Variants in WDR90 observed in about 807,000 individuals in gnomAD.
The protein encoded by WDR90 is WD repeat domain 90.
WDR90 carries 238 observed loss-of-function variants against 195.2 expected under a neutral mutation model. The ratio of observed to expected loss-of-function variants is 1.22; its 90% CI spans 1.10 to 1.36. WDR90 has a LOEUF of 1.36. Ranked by LOEUF, WDR90 falls within the 40% of genes most tolerant of loss-of-function variation. The pLI, the probability that WDR90 is intolerant of heterozygous loss-of-function variation, is 0.00. For missense variants in WDR90, 2,734 were observed against 2,439.5 expected, an observed-to-expected ratio of 1.12 and a Z score of -2.54; for synonymous variants, 1,265 against 1,052.4, an observed-to-expected ratio of 1.20 and a Z score of -3.91.
At chr16:652,993 G>C (rs2037675876) in intron 10 of WDR90, among the ~76,000 whole-genome samples, 1 of 152,196 alleles carries the variant, frequency 6.6e-6, no homozygotes, top group Admixed American at 6.5e-5. Context: ...AGGCCCTGCT[G>C]GGTGCCTGCT....
chr16:661,765 G>C lies in WDR90; in HGVS notation c.3842G>C (p.Arg1281Pro), dbSNP rs202089109. 2 of 1,606,128 alleles carry C rather than the reference G, an allele frequency of 1.2e-6. No homozygotes were observed. The highest frequency in any genetic ancestry group is 1.3e-5 in the African/African-American group (1 of 74,702). Residue 1281 changes from arginine (R) to proline (P), a missense_variant, in exon 31 of 41, where the codon CGT (arginine) becomes CCT (proline). Arg to Pro is a moderately radical substitution (Grantham distance 103, BLOSUM62 -2). Transcript: ENST00000293879. The part of the protein sequence containing the change: ...GTVTFWLLQQ[R>P]GADISLQVRR... ...GTCACCTTCTGGCTCCTTCAGCAGCGTGGGGCAGACATCAGCCTTCAGGTG... is the reference window on the plus strand; with the variant it reads ...GTCACCTTCTGGCTCCTTCAGCAGCCTGGGGCAGACATCAGCCTTCAGGTG...
At chr16:661,254 A>G (rs1447813176) in intron 29 of WDR90, 82 bp downstream of exon 29, 1 of 1,523,500 alleles carries the variant, frequency 6.6e-7, no homozygotes, top group African/African-American at 1.4e-5. Flanking sequence ...GCGGGTTCTC[A>G]CCACCAAAGA....
Position 650,274 on chromosome 16 carries a change from G to A in WDR90, c.300G>A (p.Val100=), listed in dbSNP as rs1249164984. 3 of 1,612,984 alleles carry A rather than the reference G, an allele frequency of 1.9e-6. No homozygotes were observed. Among genetic ancestry groups the A allele is most frequent in the African/African-American group, 1.3e-5 (1 of 75,064 alleles). Reference sequence around the variant, plus strand: ...CACAGGACAACCAAGTCATCCGTGTGTCTTTCTCCAACCTCTTCAAGGAGT... The same window carrying A: ...CACAGGACAACCAAGTCATCCGTGTATCTTTCTCCAACCTCTTCAAGGAGT... The part of the protein sequence containing the change: ...VSSKDNQVIR[V]SFSNLFKEFK... Residue 100 remains valine (V), a synonymous_variant, in exon 4 of 41, where the codon GTG becomes GTA. Coordinates refer to ENST00000293879, the MANE Select transcript of WDR90 (RefSeq NM_145294.5).
chr16:660,605 C>G lies in WDR90; in HGVS notation c.3289-7C>G, dbSNP rs1183051727. The G allele has an allele frequency of 6.4e-7, 1 of 1,560,020 alleles. No individual in the cohort carries two copies. The highest frequency in any genetic ancestry group is 2.4e-5 in the East Asian group (1 of 41,444). On this transcript the variant is annotated splice_region_variant and splice_polypyrimidine_tract_variant and intron_variant, in intron 27 of 40. Coordinates refer to ENST00000293879, the MANE Select transcript of WDR90 (RefSeq NM_145294.5). The stretch of plus-strand genomic sequence containing the variant: ...CCCCAGCAGCATCCGGGTCTCCTTC[C>G]TCGCAGGGCACTTGCCCGCCTCCCG...
At chr16:653,996 G>A (rs1226426191) in intron 13 of WDR90, 193 bp downstream of exon 13, 4 of 678,078 alleles carry the variant, frequency 5.9e-6, no homozygotes, top group Non-Finnish European at 7.3e-6. Context: ...ACCACCAGCA[G>A]CTCACATTTC....
chr16:652,142 C>G (rs1324129290), intron 9 of WDR90, 103 bp downstream of exon 9: 2 of 1,338,102 alleles, frequency 1.5e-6, no homozygotes, highest in Non-Finnish European at 2.0e-6. Flanking sequence ...CTCCAACGGT[C>G]TCCTCTTGTT....
chr16:657,380 G>A (rs1268146907), intron 20 of WDR90, 159 bp downstream of exon 20: 7 of 1,196,422 alleles, frequency 5.9e-6, no homozygotes, highest in Admixed American at 2.9e-5. Flanking sequence ...AGGCCCTGAG[G>A]AGACTGTGGT....
In WDR90 at chr16:650,244, G is replaced by C. The variant is rs761335702; in HGVS notation, c.280-10G>C. ...CCCTGTCTCCTCACGGCCCTGCTCC[G>C]TCCCCACAGGACAACCAAGTCATCC... On this transcript the variant is annotated splice_polypyrimidine_tract_variant and intron_variant, in intron 3 of 40. Coordinates refer to ENST00000293879, the MANE Select transcript of WDR90 (RefSeq NM_145294.5). The C allele has an allele frequency of 1.4e-5, 22 of 1,612,460 alleles. No homozygotes were observed. The African/African-American group carries it at 2.9e-4, about 22-fold the overall frequency.
At position 667,488 on chromosome 16, in the gene WDR90, C is replaced by G. The variant is rs772338031; in HGVS notation, c.5146C>G (p.His1716Asp). ...AMGTAQDFAG[H>D]DNAVHLCRFT... is the part of the protein sequence containing the mutation. The stretch of plus-strand genomic sequence containing the variant: ...GGGGACTGCCCAAGACTTTGCCGGC[C>G]ACGACAACGCAGTGCACCTGTGCAG... The change falls in exon 41 of 41, where the codon CAC becomes GAC. Residue 1716 changes from histidine (H) to aspartate (D), a missense_variant. Transcript: ENST00000293879. The G allele has an allele frequency of 6.2e-7, 1 of 1,610,858 alleles. No homozygotes were observed. Among genetic ancestry groups the G allele is most frequent in the Non-Finnish European group, 8.5e-7 (1 of 1,178,436 alleles).
Position 667,118 on chromosome 16 carries a change from TC to T in WDR90, c.5089+130del, listed in dbSNP as rs1596474613. 3.3e-5 allele frequency: 34 copies of T among 1,031,812 alleles called. No individual in the cohort carries two copies. The East Asian group carries it at 6.8e-4, about 20-fold the overall frequency. 63.9% of individuals were successfully genotyped at this position (1,031,812 alleles called of 1,614,324 possible). On this transcript the variant is annotated intron_variant, in intron 40 of 40. Transcript: ENST00000293879. ...TCGTCTCTGGGGTGGGGTGAGGACA[TC>T]TGCCCTAGAGAGGGTCCTGGAGTCA...
At position 659,091 on chromosome 16, in the gene WDR90, A is replaced by C. The variant is rs748343777; in HGVS notation, c.3017A>C (p.Gln1006Pro). The C allele has an allele frequency of 2.5e-6, 4 of 1,612,786 alleles. No homozygotes were observed. The African/African-American group carries it at 4.0e-5, about 16-fold the overall frequency. Reference sequence around the variant, plus strand: ...CCTCTCTCCTCCCTCTCCAGCGACCAAAGCTTCCCCGGGGCCCCCCCAGCC... The same window carrying C: ...CCTCTCTCCTCCCTCTCCAGCGACCCAAGCTTCCCCGGGGCCCCCCCAGCC... ...WDVLAPTESD[Q>P]SFPGAPPACK... The change falls in exon 25 of 41, where the codon CAA becomes CCA. Residue 1006 changes from glutamine to proline, a missense_variant. Gln to Pro is a moderately conservative substitution (Grantham distance 76). Coordinates refer to ENST00000293879, the MANE Select transcript of WDR90 (RefSeq NM_145294.5).
rs773204725 is a variant in WDR90, at chr16:656,329, G to T, written c.1994G>T (p.Cys665Phe). The T allele has an allele frequency of 1.2e-6, 2 of 1,609,472 alleles. No homozygotes were observed. The highest frequency in any genetic ancestry group is 8.5e-7 in the Non-Finnish European group (1 of 1,179,686). ...CACGAGGGCCCCGTCAGCTCAGTCTGTGTCAGCCCCGATGGCCTCCGTGTG... is the reference window on the plus strand; with the variant it reads ...CACGAGGGCCCCGTCAGCTCAGTCTTTGTCAGCCCCGATGGCCTCCGTGTG... Reference protein sequence around the residue: ...AEHEGPVSSVCVSPDGLRVLS... With the variant: ...AEHEGPVSSVFVSPDGLRVLS... The change falls in exon 18 of 41, where the codon TGT (cysteine) becomes TTT (phenylalanine). Residue 665 changes from cysteine to phenylalanine, a missense_variant. Physicochemically the swap from Cys to Phe is radical, Grantham distance 205 (BLOSUM62 -2). Coordinates refer to ENST00000293879, the MANE Select transcript of WDR90 (RefSeq NM_145294.5).
intron 21 of WDR90, 70 bp from the exon 22 acceptor site, chr16:658,113 G>C (rs61267098): frequency 6.4e-7 from 1 of 1,551,838 alleles, no homozygotes; most frequent in Admixed American, 1.8e-5. Flanking sequence ...CCTCCCTCCC[G>C]AGCCTGACCC....
In WDR90 at chr16:660,990, G is replaced by C. The variant is rs1234308342; in HGVS notation, c.3392-61G>C. The C allele has an allele frequency of 6.9e-3, 151 of 21,736 alleles. 1 individual carries two copies. The highest frequency in any genetic ancestry group is 0.024 in the South Asian group (36 of 1,518). 1.3% of individuals were successfully genotyped at this position (21,736 alleles called of 1,614,324 possible). The stretch of plus-strand genomic sequence containing the variant: ...CGCCCCCTGTTCGGCCCCTCCCCAG[G>C]CCCCTCCCCGCCCCCCCCCCCCCCC... On this transcript the variant is annotated intron_variant, in intron 28 of 40. Coordinates refer to ENST00000293879, the MANE Select transcript of WDR90 (RefSeq NM_145294.5).
At chr16:660,527 C>T (rs1473396888) in intron 27 of WDR90, 85 bp from the exon 28 acceptor site, 1 of 1,401,726 alleles carries the variant, frequency 7.1e-7, no homozygotes, top group Non-Finnish European at 9.8e-7. Context: ...CCTGGGTGTG[C>T]CCCAACACAG....
chr16:665,152 C>A, intron 34 of WDR90: 1 of 221,586 alleles, frequency 4.5e-6, no homozygotes, highest in Non-Finnish European at 9.3e-6. Context: ...TCTGCATTTC[C>A]CCCCAATCAG....
chr16:656,790 G>A lies in WDR90; in HGVS notation c.2261G>A (p.Arg754Lys), dbSNP rs906485062. Residue 754 changes from arginine to lysine, a missense_variant, in exon 19 of 41, where the codon AGG becomes AAG. By Grantham distance (26) the Arg-to-Lys change is conservative (BLOSUM62 2). Coordinates refer to ENST00000293879, the MANE Select transcript of WDR90 (RefSeq NM_145294.5). ...TGCGCTGTCACCTTCCACCCCACAA[G>A]GCCAACCTTTTTCTGTGGCTTTAGC... Reference protein sequence around the residue: ...APCAVTFHPTRPTFFCGFSSG... With the variant: ...APCAVTFHPTKPTFFCGFSSG... 8 of 1,613,116 alleles carry A rather than the reference G, an allele frequency of 5.0e-6. No homozygotes were observed. The Admixed American group carries it at 6.7e-5, about 13-fold the overall frequency.
intron 35 of WDR90, 73 bp downstream of exon 35, chr16:665,874 G>T (rs1226364317): frequency 1.3e-6 from 2 of 1,551,874 alleles, no homozygotes; most frequent in Non-Finnish European, 1.7e-6. Flanking sequence ...GGGCGGGGCC[G>T]CCTCCTCCCT....
Position 651,095 on chromosome 16 carries a change from C to G in WDR90, c.660C>G (p.Ile220Met). 1 of 1,613,566 alleles carries G rather than the reference C, an allele frequency of 6.2e-7. No homozygotes were observed. The highest frequency in any genetic ancestry group is 8.5e-7 in the Non-Finnish European group (1 of 1,179,986). Residue 220 changes from isoleucine (I) to methionine (M), a missense_variant, in exon 6 of 41, where the codon ATC becomes ATG. Coordinates refer to ENST00000293879, the MANE Select transcript of WDR90 (RefSeq NM_145294.5). The part of the protein sequence containing the change: ...PKGESWHDRY[I>M]HVRFPSESLK... ...GAGAGAGCTGGCATGACCGCTACAT[C>G]CACGTCCGGTGAGTGGTTCTGCTTC...
Sources: allele counts gnomAD v4.1 joint callset (sites outside exome capture counted in the v4.1 genomes callset), GRCh38; gene constraint gnomAD v4.1.1; transcripts MANE v1.5; gene names NCBI Gene and HGNC (gene_info 2026-07-23, HGNC 2026-07-21).